The following RAB5B variants were observed in gnomAD, a reference collection of about 807,000 sequenced individuals.
The protein encoded by RAB5B is ras-related protein Rab-5B.
In RAB5B, 11 loss-of-function variants were observed where a neutral mutation model predicts 28.6. That is an observed-to-expected ratio of 0.38 (90% CI 0.24 to 0.64). RAB5B has a LOEUF of 0.64. RAB5B is among the 30% of genes least tolerant of loss of function. The pLI, the probability that RAB5B is intolerant of heterozygous loss-of-function variation, is 0.53. For missense variants in RAB5B, 169 were observed against 265.6 expected (o/e 0.64, Z 2.53); for synonymous variants, 93 against 97.9 (o/e 0.95, Z 0.29).
intron 1 of RAB5B, among the ~76,000 whole-genome samples, chr12:55,977,913 T>G (rs761774013): frequency 6.6e-6 from 1 of 152,216 alleles, no homozygotes; most frequent in Non-Finnish European, 1.5e-5. Flanking sequence ...TTTAAACTTG[T>G]GTTTCTCAAG....
rs774837230 is a variant in RAB5B, at chr12:55,992,049, G to C, written c.533-48G>C. 5 of 1,463,618 alleles carry C rather than the reference G, an allele frequency of 3.4e-6. No individual in the cohort carries two copies. The South Asian group carries it at 4.6e-5, about 14-fold the overall frequency. The allele number at this position is 1,463,618 out of a possible 1,614,324, so 90.7% of individuals were successfully genotyped here. Reference sequence around the variant, plus strand: ...TTTGGCGGGTGGAGGCAGAGGGGTAGGGAAGTAAAGTCTACCATACTTTGT... The same window carrying C: ...TTTGGCGGGTGGAGGCAGAGGGGTACGGAAGTAAAGTCTACCATACTTTGT... On this transcript the variant is annotated intron_variant, in intron 5 of 5. Transcript: ENST00000360299.
chr12:55,975,790 C>CTTTTTT (rs1163535431), intron 1 of RAB5B, among the ~76,000 whole-genome samples: 126 of 115,148 alleles, frequency 1.1e-3, no homozygotes, highest in South Asian at 2.4e-3. Flanking sequence ...CACTACATTT[C>CTTTTTT]TTTTTTTTTT....
intron 1 of RAB5B, chr12:55,985,681 C>T (rs900178991): frequency 1.3e-5 from 6 of 455,594 alleles, no homozygotes; most frequent in African/African-American, 2.0e-5. Context: ...GCAGACTTAA[C>T]GCCCTATACC....
At chr12:55,985,586 C>T (rs956243920) in intron 1 of RAB5B, 3 of 400,064 alleles carry the variant, frequency 7.5e-6, no homozygotes, top group Non-Finnish European at 1.5e-5. Flanking sequence ...TCTCTCTGTT[C>T]CCTGCCCCAC....
chr12:55,987,755 C>CAGGGGGCAGAGGTTGT (rs1257426645), intron 2 of RAB5B, among the ~76,000 whole-genome samples: 1 of 151,102 alleles, frequency 6.6e-6, no homozygotes, highest in Non-Finnish European at 1.5e-5. Flanking sequence ...CACTTGAACC[C>CAGGGGGCAGAGGTTGT]AGGGGGCAGA....
intron 1 of RAB5B, among the ~76,000 whole-genome samples, chr12:55,986,218 G>A (rs1015062331): frequency 2.0e-5 from 3 of 152,174 alleles, no homozygotes; most frequent in African/African-American, 4.8e-5. Context: ...AGGCCAAGGC[G>A]GGCAGATCAC....
In RAB5B at chr12:55,990,815, C is replaced by A; in HGVS notation, c.438+11C>A. 6.2e-7 allele frequency: 1 copy of A among 1,613,090 alleles called. No individual in the cohort carries two copies. The highest frequency in any genetic ancestry group is 1.1e-5 in the South Asian group (1 of 91,038). ...ATGGTGGAGTATGAAGTAAGGTGGC[C>A]CGTGGAGTTCCTCTCTAACACTTCC... On this transcript the variant is annotated intron_variant, in intron 4 of 5. Coordinates refer to ENST00000360299, the MANE Select transcript of RAB5B (RefSeq NM_002868.4).
At chr12:55,991,748 G>A (rs1890129727) in intron 5 of RAB5B, 21 of 395,288 alleles carry the variant, frequency 5.3e-5, no homozygotes, top group South Asian at 4.8e-4. Flanking sequence ...CCAATGTGGT[G>A]AAACCCCGTC....
rs1252216011 is a variant in RAB5B at position 55,992,983 on chromosome 12, C to G, written c.*771C>G. ...TCACGCAGCCTCTTAGGTAGCGTTTCCCCTAATCGTGGGGGTTGGACCCCA... is the reference window on the plus strand; with the variant it reads ...TCACGCAGCCTCTTAGGTAGCGTTTGCCCTAATCGTGGGGGTTGGACCCCA... On this transcript the variant is annotated 3_prime_UTR_variant, in exon 6 of 6. Transcript: ENST00000360299. 5.3e-6 allele frequency: 1 copy of G among 187,688 alleles called. No homozygotes were observed. The highest frequency in any genetic ancestry group is 1.1e-5 in the Non-Finnish European group (1 of 92,884). 11.6% of individuals were successfully genotyped at this position (187,688 alleles called of 1,614,324 possible). A position where few individuals can be genotyped will look rare whatever the true frequency, so the allele number is the denominator to read the frequency against.
chr12:55,975,536 C>T (rs1889620763), intron 1 of RAB5B, among the ~76,000 whole-genome samples: 1 of 151,862 alleles, frequency 6.6e-6, no homozygotes, highest in Non-Finnish European at 1.5e-5. Context: ...ATCACTTGAG[C>T]CCGGGAGTTC....
At chr12:55,977,820 T>C (rs1889688070) in intron 1 of RAB5B, among the ~76,000 whole-genome samples, 1 of 152,228 alleles carries the variant, frequency 6.6e-6, no homozygotes, top group African/African-American at 2.4e-5. Context: ...TGTACATTTC[T>C]GGGCAAGGTT....
intron 5 of RAB5B, 105 bp from the exon 6 acceptor site, chr12:55,991,992 A>G (rs1229129161): frequency 8.9e-6 from 7 of 786,144 alleles, no homozygotes; most frequent in Non-Finnish European, 1.5e-5. Flanking sequence ...TAATCTCTCA[A>G]ATTCTCCCTT....
chr12:55,991,702 G>A (rs983680460), intron 5 of RAB5B: 22 of 442,320 alleles, frequency 5.0e-5, no homozygotes, highest in Non-Finnish European at 9.2e-5. Flanking sequence ...GCCGAGGCGG[G>A]CGGATCACGA....
In RAB5B at chr12:55,996,003, A is replaced by ATTTATATTTTTTTTTT. The variant is rs1890294295; in HGVS notation, c.*3794_*3795insATATTTTTTTTTTTTT. ...TATATACATATATATATATATATAT[A>ATTTATATTTTTTTTTT]TTTTTTTTTTAACAACTGGTAGGAT... On this transcript the variant is annotated 3_prime_UTR_variant, in exon 6 of 6. Transcript: ENST00000360299. 1.0e-5 allele frequency: 1 copy of ATTTATATTTTTTTTTT among 97,434 alleles called. No homozygotes were observed. Among genetic ancestry groups the ATTTATATTTTTTTTTT allele is most frequent in the Non-Finnish European group, 2.0e-5 (1 of 50,494 alleles). 6.0% of individuals were successfully genotyped at this position (97,434 alleles called of 1,614,324 possible).
At chr12:55,975,839 C>T (rs1889631495) in intron 1 of RAB5B, among the ~76,000 whole-genome samples, 1 of 147,854 alleles carries the variant, frequency 6.8e-6, no homozygotes, top group South Asian at 2.2e-4. Flanking sequence ...GCAACCTCCA[C>T]CTCCCAGGTT....
At chr12:55,981,806 CTTTTTTT>C (rs760479306) in intron 1 of RAB5B, among the ~76,000 whole-genome samples, 3 of 141,258 alleles carry the variant, frequency 2.1e-5, no homozygotes, top group African/African-American at 7.8e-5. Context: ...AGCCGTACTT[CTTTTTTT>C]TTTTTTTTGA....
rs1890147311 is a variant in RAB5B at position 55,992,134 on chromosome 12, A to G, written c.570A>G (p.Gly190=). The G allele has an allele frequency of 6.2e-7, 1 of 1,606,496 alleles. No homozygotes were observed. Among genetic ancestry groups the G allele is most frequent in the African/African-American group, 1.3e-5 (1 of 74,624 alleles). Residue 190 remains glycine, a synonymous_variant, in exon 6 of 6, where the codon GGA becomes GGG. Coordinates refer to ENST00000360299, the MANE Select transcript of RAB5B (RefSeq NM_002868.4). ...KLPKSEPQNL[G]GAAGRSRGVD... ...CAAAGAGTGAACCCCAGAATCTGGG[A>G]GGTGCAGCAGGCCGAAGCCGGGGTG...
Position 55,993,806 on chromosome 12 carries a change from G to A in RAB5B, c.*1594G>A, listed in dbSNP as rs1890208028. 6.6e-6 allele frequency: 1 copy of A among 152,612 alleles called. No homozygotes were observed. The highest frequency in any genetic ancestry group is 2.4e-5 in the African/African-American group (1 of 41,436). 9.5% of individuals were successfully genotyped at this position (152,612 alleles called of 1,614,324 possible). ...GTATCATACCACCTGTTCCTGTGGAGAGGGAATGACCGGCACTGAAGGTAC... is the reference window on the plus strand; with the variant it reads ...GTATCATACCACCTGTTCCTGTGGAAAGGGAATGACCGGCACTGAAGGTAC... On this transcript the variant is annotated 3_prime_UTR_variant, in exon 6 of 6. Transcript: ENST00000360299.
chr12:55,980,507 C>T (rs1395338216), intron 1 of RAB5B: 63 of 1,588,302 alleles, frequency 4.0e-5, no homozygotes, highest in Non-Finnish European at 5.0e-5. Flanking sequence ...TCCTGATCTC[C>T]GGCCTCCTGA....
Sources: allele counts gnomAD v4.1 joint callset (sites outside exome capture counted in the v4.1 genomes callset), GRCh38; gene constraint gnomAD v4.1.1; transcripts MANE v1.5; gene names NCBI Gene and HGNC (gene_info 2026-07-23, HGNC 2026-07-21).